Variants in LHPP observed in about 807,000 individuals in gnomAD.
The protein encoded by LHPP is hLHPP.
LHPP carries 24 observed loss-of-function variants against 30.3 expected under a neutral mutation model. That is an observed-to-expected ratio of 0.79 (90% CI 0.57 to 1.11). The LOEUF (loss-of-function observed/expected upper bound fraction) is 1.11, where lower values mean the gene tolerates loss of function less well. Ranked by LOEUF, LHPP falls within the 50% of genes most tolerant of loss-of-function variation. LHPP has a pLI of 0.00. For missense variants in LHPP, 356 were observed against 367.2 expected (o/e 0.97, Z 0.25); for synonymous variants, 150 against 157.1 (o/e 0.95, Z 0.34).
intron 6 of LHPP, among the ~76,000 whole-genome samples, chr10:124,540,097 G>A (rs1437452503): frequency 2.0e-5 from 3 of 152,186 alleles, no homozygotes; most frequent in Non-Finnish European, 4.4e-5. Flanking sequence ...GATAACCGTG[G>A]GGAGGGGAGG....
At chr10:124,519,185 C>T (rs535451512) in intron 6 of LHPP, among the ~76,000 whole-genome samples, 7 of 152,146 alleles carry the variant, frequency 4.6e-5, no homozygotes, top group African/African-American at 1.4e-4. Context: ...TGACCTCAGG[C>T]GAACCACCCG....
intron 6 of LHPP, among the ~76,000 whole-genome samples, chr10:124,564,027 A>G (rs1050442639): frequency 1.3e-5 from 2 of 152,064 alleles, no homozygotes; most frequent in African/African-American, 2.4e-5. Flanking sequence ...GCTCACTGCA[A>G]CTTCGAACTC....
intron 6 of LHPP, among the ~76,000 whole-genome samples, chr10:124,560,575 A>G (rs1006851367): frequency 2.0e-5 from 3 of 152,232 alleles, no homozygotes; most frequent in African/African-American, 4.8e-5. Context: ...TCAGTACAGC[A>G]GAATTAGCCA....
At chr10:124,544,122 G>A (rs1292992493) in intron 6 of LHPP, among the ~76,000 whole-genome samples, 1 of 152,232 alleles carries the variant, frequency 6.6e-6, no homozygotes, top group Non-Finnish European at 1.5e-5. Flanking sequence ...CTGATGCTGA[G>A]AGCCCAGCAG....
chr10:124,462,890 G>A (rs1952445308), intron 1 of LHPP, among the ~76,000 whole-genome samples: 2 of 151,920 alleles, frequency 1.3e-5, no homozygotes, highest in South Asian at 2.1e-4. Flanking sequence ...TGTTTGAGAC[G>A]GAGTTTTGCT....
rs1055007172 is a variant in LHPP at position 124,523,709 on chromosome 10, T to C, written c.716+6438T>C. 6.6e-6 allele frequency among the ~76,000 whole-genome samples: 1 copy of C among 152,228 alleles called. No individual in the cohort carries two copies. The highest frequency in any genetic ancestry group is 2.4e-5 in the African/African-American group (1 of 41,460). On this transcript the variant is annotated intron_variant, in intron 6 of 6. Coordinates refer to ENST00000368842, the MANE Select transcript of LHPP (RefSeq NM_022126.4). This position sits in a 1 kb window ranked among gnomAD's most constrained non-coding sequence, Gnocchi z 4.2. ...CTTCCAGGAGTCAGGACCCTCCTGCTGCCCTCCTGTGTAAACAGACCAGCC... is the reference window on the plus strand; with the variant it reads ...CTTCCAGGAGTCAGGACCCTCCTGCCGCCCTCCTGTGTAAACAGACCAGCC...
At chr10:124,525,293 G>T (rs1020579538) in intron 6 of LHPP, among the ~76,000 whole-genome samples, 1 of 152,226 alleles carries the variant, frequency 6.6e-6, no homozygotes, top group African/African-American at 2.4e-5. Context: ...GAATGTTCTG[G>T]TTTTTGTCTC....
intron 6 of LHPP, among the ~76,000 whole-genome samples, chr10:124,544,206 A>G (rs1749224735): frequency 6.8e-6 from 1 of 147,086 alleles, no homozygotes; most frequent in African/African-American, 2.5e-5. Flanking sequence ...GGCATCACCC[A>G]CCGGGGAGGC....
At chr10:124,606,318 A>G (rs4962670) in intron 6 of LHPP, among the ~76,000 whole-genome samples, 140,718 of 152,144 alleles carry the variant, frequency 0.92, 65,272 homozygotes, top group East Asian at 1. Context: ...AGCAGTGCTC[A>G]GCCTTAACGT....
chr10:124,516,008 C>T (rs538837569), intron 5 of LHPP, among the ~76,000 whole-genome samples: 1 of 152,364 alleles, frequency 6.6e-6, no homozygotes, highest in Non-Finnish European at 1.5e-5. Flanking sequence ...GCTCCTGGGT[C>T]TCCCCAGAAT....
intron 6 of LHPP, among the ~76,000 whole-genome samples, chr10:124,533,714 G>T (rs1954951658): frequency 6.6e-6 from 1 of 152,208 alleles, no homozygotes; most frequent in Non-Finnish European, 1.5e-5. Context: ...CTATATCCAA[G>T]ACACAGCCCA....
At chr10:124,538,417 G>A (rs914362812) in intron 6 of LHPP, among the ~76,000 whole-genome samples, 1 of 152,210 alleles carries the variant, frequency 6.6e-6, no homozygotes, top group Non-Finnish European at 1.5e-5. Flanking sequence ...CTTTGATGCT[G>A]TGGAGCATCT....
intron 6 of LHPP, among the ~76,000 whole-genome samples, chr10:124,543,955 CTG>C (rs1258721403): frequency 6.6e-6 from 1 of 152,244 alleles, no homozygotes; most frequent in African/African-American, 2.4e-5. Context: ...GATTTATAAA[CTG>C]TGGTTGTAGA....
At chr10:124,527,734 C>T (rs965712943) in intron 6 of LHPP, among the ~76,000 whole-genome samples, 7 of 152,038 alleles carry the variant, frequency 4.6e-5, no homozygotes, top group East Asian at 1.9e-4. Flanking sequence ...TCCCCTGCCG[C>T]GTGCTAACCA....
At chr10:124,584,602 C>T (rs1297335349) in intron 6 of LHPP, among the ~76,000 whole-genome samples, 1 of 152,114 alleles carries the variant, frequency 6.6e-6, no homozygotes, top group Non-Finnish European at 1.5e-5. Flanking sequence ...GAGAGCAGAG[C>T]CCTCATGACT....
intron 5 of LHPP, among the ~76,000 whole-genome samples, chr10:124,498,968 A>T (rs1380188797): frequency 6.9e-6 from 1 of 145,506 alleles, no homozygotes; most frequent in Admixed American, 7.0e-5. Context: ...TGCAACCTCC[A>T]CCTCCTGGGT....
At chr10:124,552,662 G>T (rs1047225162) in intron 6 of LHPP, among the ~76,000 whole-genome samples, 3 of 152,132 alleles carry the variant, frequency 2.0e-5, no homozygotes, top group Admixed American at 2.0e-4. Context: ...TCTAAATCGG[G>T]TCTAGATGGA....
intron 6 of LHPP, chr10:124,612,923 G>C (rs893644739): frequency 2.9e-6 from 1 of 344,108 alleles, no homozygotes; most frequent in Non-Finnish European, 5.5e-6. Flanking sequence ...GCCCAGAGCA[G>C]GGTACACTCA....
chr10:124,497,446 C>T (rs927145974), intron 4 of LHPP, among the ~76,000 whole-genome samples: 4 of 152,048 alleles, frequency 2.6e-5, no homozygotes, highest in East Asian at 3.9e-4. Context: ...TCAAGCTTGA[C>T]GGGTCCTCAC....
Sources: allele counts gnomAD v4.1 joint callset (sites outside exome capture counted in the v4.1 genomes callset), GRCh38; gene constraint gnomAD v4.1.1; non-coding constraint Gnocchi (gnomAD v3.1); transcripts MANE v1.5; gene names NCBI Gene and HGNC (gene_info 2026-07-23, HGNC 2026-07-21).